Variants in KANK1 observed in about 807,000 individuals in gnomAD.
KANK1 encodes KN motif and ankyrin repeat domains 1.
In KANK1, 109 loss-of-function variants were observed where a neutral mutation model predicts 106.2. The ratio of observed to expected loss-of-function variants is 1.03; its 90% CI spans 0.88 to 1.20. The LOEUF (loss-of-function observed/expected upper bound fraction) is 1.20. Among genes scored for constraint, KANK1 ranks in the 50% most tolerant of loss-of-function variants. The probability of loss-of-function intolerance (pLI) is 0.00; values close to 1 mark genes in which losing one functional copy is unlikely to be tolerated. For missense variants in KANK1, 2,399 were observed against 1,710.7 expected, an observed-to-expected ratio of 1.40 and a Z score of -7.10; for synonymous variants, 873 against 652.2, an observed-to-expected ratio of 1.34 and a Z score of -5.16.
intron 3 of KANK1, among the ~76,000 whole-genome samples, chr9:481,982 A>T (rs993651838): frequency 3.3e-5 from 5 of 152,158 alleles, no homozygotes; most frequent in Non-Finnish European, 7.4e-5. Flanking sequence ...GAACCTCTCA[A>T]CTTCTTCCTC....
chr9:473,264 G>T (rs1459213745), exon 3 of KANK1: 1 of 152,138 alleles, frequency 6.6e-6, no homozygotes, highest in East Asian at 1.9e-4. Flanking sequence ...AGCAGAGACA[G>T]AATTTGAACG....
chr9:735,161 T>A (rs1279908342), intron 7 of KANK1, among the ~76,000 whole-genome samples: 1 of 152,218 alleles, frequency 6.6e-6, no homozygotes, highest in Non-Finnish European at 1.5e-5. Flanking sequence ...TTTCTATTTA[T>A]AGAACAGTAA....
chr9:486,941 G>A (rs922580277), intron 3 of KANK1, among the ~76,000 whole-genome samples: 1 of 152,054 alleles, frequency 6.6e-6, no homozygotes, highest in African/African-American at 2.4e-5. Flanking sequence ...CTAGATGACT[G>A]CTCTGCTTTA....
intron 1 of KANK1, among the ~76,000 whole-genome samples, chr9:556,122 G>T (rs1021408153): frequency 1.3e-5 from 2 of 152,130 alleles, no homozygotes; most frequent in African/African-American, 4.8e-5. Context: ...AATACCCAAA[G>T]AATTGTAACT....
intron 3 of KANK1, among the ~76,000 whole-genome samples, chr9:723,313 A>G (rs1488933760): frequency 1.3e-5 from 2 of 152,196 alleles, no homozygotes; most frequent in East Asian, 1.9e-4. Flanking sequence ...GAGAAAAATT[A>G]TAGCACCTGG....
intron 3 of KANK1, among the ~76,000 whole-genome samples, chr9:724,529 G>A (rs1264366179): frequency 6.6e-6 from 1 of 152,076 alleles, no homozygotes; most frequent in African/African-American, 2.4e-5. Flanking sequence ...CAGGCACGGT[G>A]GCTCACACCT....
intron 1 of KANK1, among the ~76,000 whole-genome samples, chr9:587,072 A>G (rs1823670331): frequency 6.6e-6 from 1 of 152,204 alleles, no homozygotes; most frequent in African/African-American, 2.4e-5. Context: ...TCATCTTTTG[A>G]TCACACTAGG....
chr9:732,504 G>A lies in KANK1; in HGVS notation c.3132G>A (p.Arg1044=). The A allele has an allele frequency of 1.2e-6, 2 of 1,614,114 alleles. No homozygotes were observed. Among genetic ancestry groups the A allele is most frequent in the South Asian group, 1.1e-5 (1 of 91,072 alleles). Reference sequence around the variant, plus strand: ...AGGAGGAGGAGGATGAAGACACTCGGGGAATGGCAGAAGGGCACCATGCAG... The same window carrying A: ...AGGAGGAGGAGGATGAAGACACTCGAGGAATGGCAGAAGGGCACCATGCAG... ...EEEEEEDEDT[R]GMAEGHHAVN... The change falls in exon 6 of 12, where the codon CGG becomes CGA. Residue 1044 remains arginine, a synonymous_variant. Transcript: ENST00000382297.
intron 3 of KANK1, among the ~76,000 whole-genome samples, chr9:479,498 A>C (rs2132130674): frequency 6.7e-6 from 1 of 148,608 alleles, no homozygotes; most frequent in Non-Finnish European, 1.5e-5. Context: ...ACATTTTCCA[A>C]ATGGGGACGG....
chr9:637,769 A>C (rs1837490877), intron 1 of KANK1, among the ~76,000 whole-genome samples: 1 of 152,186 alleles, frequency 6.6e-6, no homozygotes, highest in South Asian at 2.1e-4. Flanking sequence ...GGGTACTCAG[A>C]GTATTTCATG....
In KANK1 at chr9:618,698, G is replaced by A. The variant is rs116829794; in HGVS notation, c.-83-58192G>A. On this transcript the variant is annotated intron_variant, in intron 1 of 11. Transcript: ENST00000382297. ...TTTTTAAATGATGATGAATGCCAGG[G>A]CTTGCTTTTTTTAAAAAAAAGTCTC... 8.0e-3 allele frequency among the ~76,000 whole-genome samples: 1,216 copies of A among 152,124 alleles called. 22 individuals carry two copies. The highest frequency in any genetic ancestry group is 0.028 in the African/African-American group (1,148 of 41,452).
chr9:630,538 G>A lies in KANK1; in HGVS notation c.-83-46352G>A, dbSNP rs182049901. ...TGCACTGCAGCCTGGGCGACAGAGC[G>A]AGACTCAGAAGGATAAAAAGTAATA... On this transcript the variant is annotated intron_variant, in intron 1 of 11. Coordinates refer to ENST00000382297, the MANE Select transcript of KANK1 (RefSeq NM_015158.5). Among the ~76,000 whole-genome samples, 382 of 152,176 alleles carry A rather than the reference G, an allele frequency of 2.5e-3. 2 individuals are homozygous for A. Among genetic ancestry groups the A allele is most frequent in the African/African-American group, 8.6e-3 (356 of 41,492 alleles).
intron 3 of KANK1, among the ~76,000 whole-genome samples, chr9:492,773 C>T (rs2058398098): frequency 6.6e-6 from 1 of 151,686 alleles, no homozygotes. Flanking sequence ...GCCTATAATC[C>T]CAGCACTTTG....
At chr9:525,970 C>G (rs746314659) in intron 1 of KANK1, among the ~76,000 whole-genome samples, 1 of 151,668 alleles carries the variant, frequency 6.6e-6, no homozygotes, top group Non-Finnish European at 1.5e-5. Context: ...ATTTGGTTAC[C>G]TGAAGCCATT....
chr9:609,977 G>T (rs1195230589), intron 1 of KANK1, among the ~76,000 whole-genome samples: 1 of 151,998 alleles, frequency 6.6e-6, no homozygotes, highest in Non-Finnish European at 1.5e-5. Context: ...TTTACTTGAG[G>T]TGTCAGGACT....
chr9:738,468 T>G lies in KANK1; in HGVS notation c.3517T>G (p.Ser1173Ala). The change falls in exon 8 of 12, where the codon TCC becomes GCC. Residue 1173 changes from serine (S) to alanine (A), a missense_variant. Transcript: ENST00000382297. ...AGCCCTCCATTACAGCGTGTCCCAC[T>G]CCAACTTCGAGATTGTGAAGCTGCT... ...NTALHYSVSH[S>A]NFEIVKLLLD... The G allele has an allele frequency of 6.2e-7, 1 of 1,614,166 alleles. No individual in the cohort carries two copies. Among genetic ancestry groups the G allele is most frequent in the Non-Finnish European group, 8.5e-7 (1 of 1,180,020 alleles).
chr9:739,827 A>G (rs913669015), intron 8 of KANK1, among the ~76,000 whole-genome samples: 2 of 92,964 alleles, frequency 2.2e-5, no homozygotes, highest in African/African-American at 8.2e-5. Context: ...TAGATCTAGG[A>G]TGCTTCAGCA....
intron 1 of KANK1, among the ~76,000 whole-genome samples, chr9:536,873 G>A (rs1409268860): frequency 6.6e-6 from 1 of 152,152 alleles, no homozygotes; most frequent in Admixed American, 6.5e-5. Context: ...TTCGCAGTCG[G>A]CACCCCTTTA....
intron 1 of KANK1, among the ~76,000 whole-genome samples, chr9:623,508 G>A (rs1232551795): frequency 6.6e-6 from 1 of 151,642 alleles, no homozygotes; most frequent in Non-Finnish European, 1.5e-5. Context: ...GGAGGCTGAG[G>A]CAGGAGGATC....
Sources: allele counts gnomAD v4.1 joint callset (sites outside exome capture counted in the v4.1 genomes callset), GRCh38; gene constraint gnomAD v4.1.1; transcripts MANE v1.5; gene names NCBI Gene and HGNC (gene_info 2026-07-23, HGNC 2026-07-21).